ACOT7: variants seen among roughly 807,000 people sequenced by gnomAD.
ACOT7 encodes acyl-CoA thioesterase 7.
A neutral mutation model predicts 40.2 loss-of-function variants in ACOT7; 12 were observed. The observed-to-expected ratio is 0.30, with a 90% confidence interval of 0.19 to 0.48. The LOEUF is 0.48. Among genes scored for constraint, ACOT7 ranks in the 20% least tolerant of loss-of-function variants. The pLI is 0.99. For synonymous variants in ACOT7, 228 were observed against 219.5 expected, an observed-to-expected ratio of 1.04 and a Z score of -0.34; for missense variants, 395 against 530.8, an observed-to-expected ratio of 0.74 and a Z score of 2.51.
intron 2 of ACOT7, among the ~76,000 whole-genome samples, chr1:6,344,644 G>A (rs967027959): frequency 1.3e-5 from 2 of 151,504 alleles, no homozygotes; most frequent in Admixed American, 1.3e-4. Flanking sequence ...CATGCCTGTA[G>A]TCACAGCTAC....
chr1:6,340,256 G>A (rs552590669), intron 2 of ACOT7, among the ~76,000 whole-genome samples: 7 of 152,176 alleles, frequency 4.6e-5, no homozygotes, highest in South Asian at 2.1e-4. Flanking sequence ...ATGAGCCACC[G>A]CGCCCGGCCT....
At chr1:6,383,455 G>A (rs1213024044) in intron 1 of ACOT7, among the ~76,000 whole-genome samples, 7 of 151,718 alleles carry the variant, frequency 4.6e-5, no homozygotes, top group Middle Eastern at 3.4e-3. Context: ...CCAAAGTTCT[G>A]GGATTACAGG....
chr1:6,383,274 G>A (rs1384020546), intron 1 of ACOT7, among the ~76,000 whole-genome samples: 8 of 147,996 alleles, frequency 5.4e-5, no homozygotes, highest in African/African-American at 1.5e-4. Context: ...TGCAAGCTCC[G>A]CCTCCCGGGT....
chr1:6,363,320 AG>A (rs2148467942), intron 1 of ACOT7, among the ~76,000 whole-genome samples: 1 of 152,256 alleles, frequency 6.6e-6, no homozygotes, highest in East Asian at 1.9e-4. Context: ...TCAGTGCCAA[AG>A]AAAAACACCC....
At chr1:6,339,309 G>C (rs1212556614) in intron 3 of ACOT7, 124 bp downstream of exon 3, 2 of 1,356,744 alleles carry the variant, frequency 1.5e-6, no homozygotes, top group Non-Finnish European at 2.0e-6. Context: ...ATGGTGGGAG[G>C]TGAGAGAGGT....
intron 8 of ACOT7, among the ~76,000 whole-genome samples, chr1:6,276,236 C>T (rs1437343051): frequency 6.6e-6 from 1 of 152,074 alleles, no homozygotes; most frequent in Non-Finnish European, 1.5e-5. Flanking sequence ...GGACGTCCTC[C>T]GCTTCAGCAG....
intron 1 of ACOT7, among the ~76,000 whole-genome samples, chr1:6,368,843 G>C (rs1642071840): frequency 6.6e-6 from 1 of 152,202 alleles, no homozygotes; most frequent in Non-Finnish European, 1.5e-5. Context: ...TCCCACAGCT[G>C]CTCCTGCCAC....
At chr1:6,326,673 C>T (rs1640805821) in intron 5 of ACOT7, among the ~76,000 whole-genome samples, 1 of 151,596 alleles carries the variant, frequency 6.6e-6, no homozygotes, top group Non-Finnish European at 1.5e-5. Flanking sequence ...CACATGTAAT[C>T]TCAGCACTTT....
At chr1:6,322,423 G>A (rs1317584534) in intron 5 of ACOT7, among the ~76,000 whole-genome samples, 9 of 152,236 alleles carry the variant, frequency 5.9e-5, no homozygotes, top group African/African-American at 1.7e-4. Flanking sequence ...GAGGGGAGGC[G>A]GTTTGAAATT....
intron 2 of ACOT7, among the ~76,000 whole-genome samples, chr1:6,345,452 C>T (rs576338171): frequency 7.9e-5 from 12 of 152,356 alleles, no homozygotes; most frequent in African/African-American, 2.4e-4. Flanking sequence ...AACCTCTCCA[C>T]GTCTCAGTCT....
At position 6,349,827 on chromosome 1, in the gene ACOT7, G is replaced by A; in HGVS notation, c.183C>T (p.Val61=). 3.7e-6 allele frequency: 6 copies of A among 1,614,186 alleles called. No homozygotes were observed. The highest frequency in any genetic ancestry group is 5.1e-6 in the Non-Finnish European group (6 of 1,180,040). ...RPDDANVAGN[V]HGGTILKMIE... ...TCATCTTCAGGATGGTCCCCCCGTGGACATTGCCGGCCACGTTGGCATCAT... is the reference window on the plus strand; with the variant it reads ...TCATCTTCAGGATGGTCCCCCCGTGAACATTGCCGGCCACGTTGGCATCAT... Residue 61 remains valine, a synonymous_variant, in exon 2 of 9, where the codon GTC becomes GTT. Coordinates refer to ENST00000361521, the MANE Select transcript of ACOT7 (RefSeq NM_007274.4).
chr1:6,373,088 A>T (rs1272337436), intron 1 of ACOT7, among the ~76,000 whole-genome samples: 1 of 152,188 alleles, frequency 6.6e-6, no homozygotes, highest in African/African-American at 2.4e-5. Flanking sequence ...AAACAATTAC[A>T]CTAGTAACAC....
intron 1 of ACOT7, among the ~76,000 whole-genome samples, chr1:6,388,958 G>A (rs1222782441): frequency 5.3e-5 from 8 of 149,984 alleles, no homozygotes; most frequent in Non-Finnish European, 7.4e-5. Flanking sequence ...GGAGAATGGC[G>A]TGAACCCGGG....
Position 6,288,422 on chromosome 1 carries a change from T to G in ACOT7, c.829+6442A>C, listed in dbSNP as rs568461812. Among the ~76,000 whole-genome samples, 3 of 152,346 alleles carry G rather than the reference T, an allele frequency of 2.0e-5. No homozygotes were observed. Among genetic ancestry groups the G allele is most frequent in the South Asian group, 2.1e-4 (1 of 4,826 alleles). ...CCCCGTAGGTGCTTGGCCGGGCTAG[T>G]TGGCGCAAAGGTGTAAGGGGACAGC... On this transcript the variant is annotated intron_variant, in intron 7 of 8. Coordinates refer to ENST00000361521, the MANE Select transcript of ACOT7 (RefSeq NM_007274.4). The surrounding 1 kb of genome is among the most constrained non-coding windows in gnomAD (Gnocchi z 4.3).
At chr1:6,269,766 C>G (rs1638971714) in intron 8 of ACOT7, among the ~76,000 whole-genome samples, 1 of 152,264 alleles carries the variant, frequency 6.6e-6, no homozygotes, top group Non-Finnish European at 1.5e-5. Flanking sequence ...GGCCCCACTG[C>G]TCTTCCCGTC....
chr1:6,342,386 G>C (rs1475311690), intron 2 of ACOT7, among the ~76,000 whole-genome samples: 1 of 152,078 alleles, frequency 6.6e-6, no homozygotes, highest in Non-Finnish European at 1.5e-5. Context: ...CGAACACTCA[G>C]ACGGTGGCTG....
Position 6,393,447 on chromosome 1 carries a change from T to G in ACOT7, c.-48A>C. 1 of 1,074,672 alleles carries G rather than the reference T, an allele frequency of 9.3e-7. No homozygotes were observed. The allele number at this position is 1,074,672 out of a possible 1,614,324, so 66.6% of individuals were successfully genotyped here. ...GCGATGGGGCTGGTGAGGCGGGGCC[T>G]GCGCGCCGGGGGCAATCGAACGCGG... On this transcript the variant is annotated 5_prime_UTR_variant, in exon 1 of 9. Transcript: ENST00000361521.
intron 1 of ACOT7, among the ~76,000 whole-genome samples, chr1:6,373,159 G>A (rs907837744): frequency 6.6e-6 from 1 of 152,116 alleles, no homozygotes; most frequent in African/African-American, 2.4e-5. Context: ...TTGAAATATT[G>A]CAAGAATTAC....
chr1:6,303,177 C>A (rs1221637073), intron 6 of ACOT7, among the ~76,000 whole-genome samples: 3 of 152,132 alleles, frequency 2.0e-5, no homozygotes, highest in Non-Finnish European at 4.4e-5. Flanking sequence ...ACCGCAGGCA[C>A]AACGGGTGCT....
Sources: allele counts gnomAD v4.1 joint callset (sites outside exome capture counted in the v4.1 genomes callset), GRCh38; gene constraint gnomAD v4.1.1; non-coding constraint Gnocchi (gnomAD v3.1); transcripts MANE v1.5; gene names NCBI Gene and HGNC (gene_info 2026-07-23, HGNC 2026-07-21).